Variants in PLIN1 observed in about 807,000 individuals in gnomAD.
PLIN1 encodes the protein perilipin 1.
A neutral mutation model predicts 45.8 loss-of-function variants in PLIN1; 37 were observed. That is an observed-to-expected ratio of 0.81 (90% CI 0.62 to 1.06). The LOEUF is 1.06. Among genes scored for constraint, PLIN1 ranks in the 50% least tolerant of loss-of-function variants. The pLI is 0.00. For missense variants in PLIN1, 776 were observed against 716.5 expected (o/e 1.08, Z -0.95); for synonymous variants, 340 against 309.2 (o/e 1.10, Z -1.05).
chr15:89,666,817 G>T (rs1042564518), intron 8 of PLIN1, 119 bp downstream of exon 8: 1 of 1,122,864 alleles, frequency 8.9e-7, no homozygotes, highest in Non-Finnish European at 1.3e-6. Flanking sequence ...GGAGTGGGGG[G>T]CGGTCTCCAG....
chr15:89,673,457 C>T (rs182355392), intron 2 of PLIN1, 43 bp from the exon 3 acceptor site: 2 of 1,506,536 alleles, frequency 1.3e-6, no homozygotes, highest in Non-Finnish European at 1.8e-6. Flanking sequence ...ACCTCCCTCT[C>T]CAGCCTCCCG....
chr15:89,666,755 T>G (rs1233956568), intron 8 of PLIN1, among the ~76,000 whole-genome samples, 181 bp downstream of exon 8: 1 of 152,150 alleles, frequency 6.6e-6, no homozygotes, highest in Non-Finnish European at 1.5e-5. Context: ...TCTATACTCC[T>G]GGGGCTGGGA....
intron 8 of PLIN1, among the ~76,000 whole-genome samples, chr15:89,666,204 A>G (rs1283095166): frequency 6.6e-6 from 1 of 152,170 alleles, no homozygotes; most frequent in East Asian, 1.9e-4. Flanking sequence ...CCTGAGGGGA[A>G]CCCTCAATGG....
At chr15:89,677,787 G>A (rs1172530586) in intron 1 of PLIN1, 2 of 379,130 alleles carry the variant, frequency 5.3e-6, no homozygotes, top group Admixed American at 8.3e-5. Context: ...TTCTTGCTCT[G>A]TTGCCCAGGC....
Position 89,665,051 on chromosome 15 carries a change from T to C in PLIN1, c.*532A>G. The C allele has an allele frequency of 1.7e-5, 7 of 410,538 alleles. No individual in the cohort carries two copies. The highest frequency in any genetic ancestry group is 1.1e-4 in the South Asian group (6 of 55,544). The allele number at this position is 410,538 out of a possible 1,614,324, so 25.4% of individuals were successfully genotyped here. A position where few individuals can be genotyped will look rare whatever the true frequency, so the allele number is the denominator to read the frequency against. On this transcript the variant is annotated 3_prime_UTR_variant, in exon 9 of 9. Transcript: ENST00000300055. ...CCCAAGAGCTTTTGCATCTGATTGT[T>C]CCCTTCAAAGTAGCCTGCTGGGAGC...
chr15:89,669,833 G>C (rs549672642), intron 5 of PLIN1, 147 bp downstream of exon 5: 9 of 825,010 alleles, frequency 1.1e-5, no homozygotes, highest in Admixed American at 2.2e-5. Flanking sequence ...GGGTGGGGGT[G>C]GGGGGGGTAA....
At chr15:89,675,063 C>T (rs1964495481) in intron 2 of PLIN1, among the ~76,000 whole-genome samples, 1 of 152,082 alleles carries the variant, frequency 6.6e-6, no homozygotes, top group Non-Finnish European at 1.5e-5. Context: ...CTGTAGTGAG[C>T]CATAATCACG....
rs1416446893 is a variant in PLIN1, at chr15:89,670,222, G to A, written c.356C>T (p.Thr119Ile). 1 of 1,613,274 alleles carries A rather than the reference G, an allele frequency of 6.2e-7. No individual in the cohort carries two copies. The highest frequency in any genetic ancestry group is 8.5e-7 in the Non-Finnish European group (1 of 1,179,616). ...GGCACTGCGGAGGCGGGTGGAGATG[G>A]TGTCCTTCAGCTCAGAAGCAATCTG... Reference protein sequence around the residue: ...PEKIASELKDTISTRLRSARN... With the variant: ...PEKIASELKDIISTRLRSARN... Residue 119 changes from threonine (T) to isoleucine (I), a missense_variant, in exon 5 of 9, where the codon ACC (threonine) becomes ATC (isoleucine). Transcript: ENST00000300055.
In PLIN1 at chr15:89,667,663, G is replaced by C. The variant is rs74407840; in HGVS notation, c.902C>G (p.Thr301Arg). The change falls in exon 7 of 9, where the codon ACG (threonine) becomes AGG (arginine). Residue 301 changes from threonine to arginine, a missense_variant. Transcript: ENST00000300055. ...CTCCTCCTCCGTGTCCTCTCCCTCC[G>C]TGTCTGTCTGGTCCTCATGATCCTC... ...QEEDHEDQTDTEGEDTEEEEE... is the reference protein window; with the variant it reads ...QEEDHEDQTDREGEDTEEEEE... 6.2e-7 allele frequency: 1 copy of C among 1,606,342 alleles called. No individual in the cohort carries two copies. Among genetic ancestry groups the C allele is most frequent in the Non-Finnish European group, 8.5e-7 (1 of 1,176,044 alleles).
chr15:89,669,300 C>G (rs1964397956), intron 6 of PLIN1, among the ~76,000 whole-genome samples, 200 bp downstream of exon 6: 1 of 152,164 alleles, frequency 6.6e-6, no homozygotes, highest in African/African-American at 2.4e-5. Context: ...GCTTAACATC[C>G]TCTCCCTTCT....
At chr15:89,673,753 G>A (rs1304256143) in intron 2 of PLIN1, among the ~76,000 whole-genome samples, 1 of 151,760 alleles carries the variant, frequency 6.6e-6, no homozygotes, top group African/African-American at 2.4e-5. Context: ...AGCAAGTGTT[G>A]TTAATGTCTA....
chr15:89,678,375 T>C (rs941987711), intron 1 of PLIN1, among the ~76,000 whole-genome samples: 5 of 151,000 alleles, frequency 3.3e-5, no homozygotes, highest in Admixed American at 6.6e-5. Flanking sequence ...CCAGACGTGG[T>C]GGTGGGCAGC....
chr15:89,675,884 A>T (rs1055077972), intron 2 of PLIN1, among the ~76,000 whole-genome samples: 4 of 152,190 alleles, frequency 2.6e-5, no homozygotes, highest in Non-Finnish European at 5.9e-5. Context: ...CCTACCTGGG[A>T]TTACCTTCAA....
chr15:89,669,461 C>T, intron 6 of PLIN1, 39 bp downstream of exon 6: 2 of 1,579,544 alleles, frequency 1.3e-6, no homozygotes, highest in South Asian at 1.1e-5. Flanking sequence ...ACAGGGCTCC[C>T]AGGCACCGGG....
At chr15:89,667,922 T>C in intron 6 of PLIN1, 129 bp from the exon 7 acceptor site, 2 of 1,370,844 alleles carry the variant, frequency 1.5e-6, no homozygotes, top group Non-Finnish European at 1.9e-6. Context: ...CCAGCAGACT[T>C]TTCTGGAAAC....
rs779785204 is a variant in PLIN1, at chr15:89,673,256, C to T, written c.204G>A (p.Leu68=). ...YEKGVQSASS[L]AAWSMEPVVR... is the part of the protein sequence containing the mutation. ...CCACCGGCTCCATGCTCCAGGCAGCCAAGCTACTGGCGCTCTGCACGCCCT... is the reference window on the plus strand; with the variant it reads ...CCACCGGCTCCATGCTCCAGGCAGCTAAGCTACTGGCGCTCTGCACGCCCT... Residue 68 remains leucine (L), a synonymous_variant, in exon 3 of 9, where the codon TTG becomes TTA. Coordinates refer to ENST00000300055, the MANE Select transcript of PLIN1 (RefSeq NM_002666.5). 2 of 1,580,572 alleles carry T rather than the reference C, an allele frequency of 1.3e-6. No individual in the cohort carries two copies. Among genetic ancestry groups the T allele is most frequent in the Non-Finnish European group, 1.7e-6 (2 of 1,161,996 alleles).
At chr15:89,674,391 G>A (rs549837475) in intron 2 of PLIN1, among the ~76,000 whole-genome samples, 1 of 152,226 alleles carries the variant, frequency 6.6e-6, no homozygotes, top group Admixed American at 6.5e-5. Flanking sequence ...TGGGTAGCTG[G>A]GACTACAGGC....
chr15:89,665,076 C>G lies in PLIN1; in HGVS notation c.*507G>C. The G allele has an allele frequency of 2.6e-6, 1 of 379,818 alleles. No individual in the cohort carries two copies. Among genetic ancestry groups the G allele is most frequent in the Non-Finnish European group, 5.2e-6 (1 of 191,000 alleles). 23.5% of individuals were successfully genotyped at this position (379,818 alleles called of 1,614,324 possible). A position where few individuals can be genotyped will look rare whatever the true frequency, so the allele number is the denominator to read the frequency against. On this transcript the variant is annotated 3_prime_UTR_variant, in exon 9 of 9. Coordinates refer to ENST00000300055, the MANE Select transcript of PLIN1 (RefSeq NM_002666.5). ...TCCCTTCAAAGTAGCCTGCTGGGAG[C>G]CTAGATCATCAGAGGATGTTCATCA...
At chr15:89,669,463 G>A (rs1439479471) in intron 6 of PLIN1, 37 bp downstream of exon 6, 1 of 1,587,186 alleles carries the variant, frequency 6.3e-7, no homozygotes, top group Non-Finnish European at 8.6e-7. Flanking sequence ...AGGGCTCCCA[G>A]GCACCGGGTC....
Sources: allele counts gnomAD v4.1 joint callset (sites outside exome capture counted in the v4.1 genomes callset), GRCh38; gene constraint gnomAD v4.1.1; transcripts MANE v1.5; gene names NCBI Gene and HGNC (gene_info 2026-07-23, HGNC 2026-07-21).